The following TBC1D22A variants were observed in gnomAD, a reference collection of about 807,000 sequenced individuals.
TBC1D22A encodes TBC1 domain family member 22A.
A neutral mutation model predicts 60.2 loss-of-function variants in TBC1D22A; 38 were observed. That is an observed-to-expected ratio of 0.63 (90% CI 0.49 to 0.83). The LOEUF is 0.83. Among genes scored for constraint, TBC1D22A ranks in the 40% least tolerant of loss-of-function variants. The pLI is 0.00. For synonymous variants in TBC1D22A, 302 were observed against 281.7 expected, an observed-to-expected ratio of 1.07 and a Z score of -0.72; for missense variants, 628 against 701.0, an observed-to-expected ratio of 0.90 and a Z score of 1.18.
chr22:47,003,947 C>G (rs1358179326), intron 10 of TBC1D22A, among the ~76,000 whole-genome samples: 1 of 142,996 alleles, frequency 7.0e-6, no homozygotes, highest in Non-Finnish European at 1.5e-5. Flanking sequence ...TATACACACA[C>G]CCTACGCACG....
intron 11 of TBC1D22A, among the ~76,000 whole-genome samples, chr22:47,053,490 G>A (rs1486702511): frequency 6.6e-6 from 1 of 152,222 alleles, no homozygotes; most frequent in Non-Finnish European, 1.5e-5. Flanking sequence ...CAGGAGTGCT[G>A]CTCCCCAGTG....
intron 1 of TBC1D22A, among the ~76,000 whole-genome samples, chr22:46,775,214 G>A (rs1355202904): frequency 6.6e-6 from 1 of 152,216 alleles, no homozygotes; most frequent in East Asian, 1.9e-4. Flanking sequence ...GCTCCTCCGC[G>A]AGGGCTTGGT....
chr22:47,109,027 T>C (rs1179767966), intron 11 of TBC1D22A, among the ~76,000 whole-genome samples: 1 of 152,216 alleles, frequency 6.6e-6, no homozygotes, highest in African/African-American at 2.4e-5. Flanking sequence ...ATGAGAGTTA[T>C]ACCTCAGGAG....
chr22:46,902,682 T>C (rs184681650), intron 7 of TBC1D22A, among the ~76,000 whole-genome samples: 2 of 152,354 alleles, frequency 1.3e-5, no homozygotes, highest in African/African-American at 4.8e-5. Flanking sequence ...CCCGTTCAAG[T>C]GGGCACGTTG....
intron 10 of TBC1D22A, among the ~76,000 whole-genome samples, chr22:47,013,005 G>A (rs1413140411): frequency 1.3e-5 from 2 of 152,178 alleles, no homozygotes; most frequent in East Asian, 1.9e-4. Context: ...AGTTACAGCC[G>A]AGCTGGGGTG....
At chr22:47,038,492 C>T (rs1329530326) in intron 11 of TBC1D22A, among the ~76,000 whole-genome samples, 1 of 152,168 alleles carries the variant, frequency 6.6e-6, no homozygotes, top group Non-Finnish European at 1.5e-5. Flanking sequence ...GTCATTCTGA[C>T]CAGCTGCTCC....
intron 11 of TBC1D22A, among the ~76,000 whole-genome samples, chr22:47,046,215 C>T (rs147555474): frequency 4.6e-5 from 7 of 152,272 alleles, no homozygotes; most frequent in South Asian, 2.1e-4. Flanking sequence ...GGAGGGCCCC[C>T]GAGTGGGACG....
At chr22:46,786,181 T>C (rs77669105) in intron 1 of TBC1D22A, among the ~76,000 whole-genome samples, 1 of 152,224 alleles carries the variant, frequency 6.6e-6, no homozygotes, top group Non-Finnish European at 1.5e-5. Flanking sequence ...AGGATGAAGA[T>C]TACCTTTAAT....
intron 11 of TBC1D22A, among the ~76,000 whole-genome samples, chr22:47,083,617 G>C (rs1396030051): frequency 6.6e-6 from 1 of 152,174 alleles, no homozygotes; most frequent in Non-Finnish European, 1.5e-5. Flanking sequence ...CCCAGGGGAG[G>C]CTCCTTACCC....
chr22:46,859,131 C>T (rs1452828415), intron 4 of TBC1D22A, among the ~76,000 whole-genome samples: 128 of 120,804 alleles, frequency 1.1e-3, no homozygotes, highest in African/African-American at 4.6e-3. Context: ...CATAGAGGTC[C>T]GCGCAGTGCC....
intron 5 of TBC1D22A, among the ~76,000 whole-genome samples, chr22:46,882,651 G>C (rs1467896057): frequency 2.6e-5 from 4 of 152,208 alleles, no homozygotes; most frequent in African/African-American, 9.7e-5. Flanking sequence ...GTCTGGGAGG[G>C]TTCGGGTGAG....
rs142290549 is a variant in TBC1D22A at position 47,026,362 on chromosome 22, G to A, written c.1202-10709G>A. ...CCTTCTTTTCACTTCTGTCCGGTGT[G>A]TATACGGGAGATTCTGGTGGCAGAA... On this transcript the variant is annotated intron_variant, in intron 10 of 12. Transcript: ENST00000337137. 8.7e-4 allele frequency among the ~76,000 whole-genome samples: 132 copies of A among 152,326 alleles called. 1 individual carries two copies. Among genetic ancestry groups the A allele is most frequent in the African/African-American group, 3.0e-3 (126 of 41,576 alleles).
At chr22:47,133,112 A>G (rs866617592) in intron 12 of TBC1D22A, among the ~76,000 whole-genome samples, 1 of 152,264 alleles carries the variant, frequency 6.6e-6, no homozygotes, top group Non-Finnish European at 1.5e-5. Context: ...TATCCACTTC[A>G]TTCAGTGTTC....
At chr22:47,147,619 C>T (rs548395626) in intron 12 of TBC1D22A, among the ~76,000 whole-genome samples, 1 of 152,364 alleles carries the variant, frequency 6.6e-6, no homozygotes, top group East Asian at 1.9e-4. Context: ...TGGCCTTCTT[C>T]CATCCATACG....
intron 10 of TBC1D22A, among the ~76,000 whole-genome samples, chr22:47,027,938 C>G (rs954682812): frequency 6.6e-6 from 1 of 152,124 alleles, no homozygotes; most frequent in Non-Finnish European, 1.5e-5. Flanking sequence ...GTTCCCTGGC[C>G]GTGGAGCACA....
At chr22:46,861,787 G>A (rs1017093197) in intron 4 of TBC1D22A, among the ~76,000 whole-genome samples, 3 of 152,244 alleles carry the variant, frequency 2.0e-5, no homozygotes, top group Non-Finnish European at 4.4e-5. Context: ...TGACAGTGGG[G>A]CAGGAGGTGG....
At chr22:46,983,809 A>G (rs80280447) in intron 9 of TBC1D22A, among the ~76,000 whole-genome samples, 1 of 151,488 alleles carries the variant, frequency 6.6e-6, no homozygotes, top group African/African-American at 2.4e-5. Context: ...CAGTGGTTTC[A>G]TGGATGTGTC....
At chr22:46,904,105 A>G (rs576992503) in intron 7 of TBC1D22A, among the ~76,000 whole-genome samples, 9 of 53,252 alleles carry the variant, frequency 1.7e-4, no homozygotes, top group African/African-American at 7.4e-4. Flanking sequence ...AAATCTATCT[A>G]TCTATCTATC....
At chr22:47,131,522 TC>T (rs1212949694) in intron 12 of TBC1D22A, among the ~76,000 whole-genome samples, 1 of 152,192 alleles carries the variant, frequency 6.6e-6, no homozygotes, top group East Asian at 1.9e-4. Flanking sequence ...CCCTGTGGGC[TC>T]CATGTGATCT....
Sources: allele counts gnomAD v4.1 joint callset (sites outside exome capture counted in the v4.1 genomes callset), GRCh38; gene constraint gnomAD v4.1.1; transcripts MANE v1.5; gene names NCBI Gene and HGNC (gene_info 2026-07-23, HGNC 2026-07-21).